The following LNX1 variants were observed in gnomAD, a reference collection of about 807,000 sequenced individuals.
LNX1 encodes the protein ligand of numb-protein X 1.
In LNX1, 54 loss-of-function variants were observed where a neutral mutation model predicts 68.4. The observed-to-expected ratio is 0.79, with a 90% CI of 0.63 to 0.99. LNX1 has a LOEUF of 0.99. Ranked by LOEUF, LNX1 falls within the 50% of genes least tolerant of loss-of-function variation. The probability of loss-of-function intolerance (pLI) is 0.00; values close to 1 mark genes in which losing one functional copy is unlikely to be tolerated. For missense variants in LNX1, 906 were observed against 926.4 expected, an observed-to-expected ratio of 0.98 and a Z score of 0.29; for synonymous variants, 336 against 350.0, an observed-to-expected ratio of 0.96 and a Z score of 0.45.
chr4:53,461,663 C>A, intron 9 of LNX1, 70 bp from the exon 10 acceptor site: 1 of 1,218,932 alleles, frequency 8.2e-7, no homozygotes, highest in South Asian at 1.6e-5. Context: ...TACTGTGACT[C>A]ATCCTCCATT....
Position 53,588,246 on chromosome 4 carries a change from C to T in LNX1, c.-87+3142G>A, listed in dbSNP as rs1223863597. Among the ~76,000 whole-genome samples the T allele has an allele frequency of 5.3e-5, 8 of 152,164 alleles. No individual in the cohort carries two copies. The South Asian group carries it at 1.0e-3, about 20-fold the overall frequency. ...TTAAGGAACTTATTTAGGCTAGCAACTACATGGTAGAACTGGGTCTGATAC... is the reference window on the plus strand; with the variant it reads ...TTAAGGAACTTATTTAGGCTAGCAATTACATGGTAGAACTGGGTCTGATAC... On this transcript the variant is annotated intron_variant, in intron 1 of 10. Coordinates refer to ENST00000263925, the MANE Select transcript of LNX1 (RefSeq NM_001126328.3).
intron 1 of LNX1, among the ~76,000 whole-genome samples, chr4:53,643,679 A>G (rs1386253038): frequency 6.6e-6 from 1 of 152,014 alleles, no homozygotes; most frequent in Non-Finnish European, 1.5e-5. Flanking sequence ...AGAGCTTTGG[A>G]GTGTAACAGA....
intron 2 of LNX1, among the ~76,000 whole-genome samples, chr4:53,570,035 G>A (rs183988097): frequency 6.6e-6 from 1 of 152,264 alleles, no homozygotes; most frequent in Admixed American, 6.5e-5. Flanking sequence ...AGAGGATGTG[G>A]AGAAATACGA....
At chr4:53,620,080 CTG>C (rs1245917451), upstream of LNX1, among the ~76,000 whole-genome samples, 1 of 152,140 alleles carries the variant, frequency 6.6e-6, no homozygotes, top group Non-Finnish European at 1.5e-5. Context: ...TGTTAAACAA[CTG>C]TTTTATCCTG....
chr4:53,494,895 C>T (rs1276483348), intron 6 of LNX1, among the ~76,000 whole-genome samples: 4 of 152,192 alleles, frequency 2.6e-5, no homozygotes, highest in Non-Finnish European at 5.9e-5. Flanking sequence ...TGAAAAAAGC[C>T]AGTCCCCCAA....
At chr4:53,504,002 G>A (rs984413875) in intron 4 of LNX1, among the ~76,000 whole-genome samples, 1 of 152,144 alleles carries the variant, frequency 6.6e-6, no homozygotes, top group Non-Finnish European at 1.5e-5. Context: ...AGGCATAGTG[G>A]TGCACGCCTG....
At chr4:53,560,076 G>T (rs1730178834) in intron 2 of LNX1, among the ~76,000 whole-genome samples, 1 of 152,120 alleles carries the variant, frequency 6.6e-6, no homozygotes, top group Admixed American at 6.6e-5. Context: ...TATACTATTA[G>T]AGAAGTGACA....
In LNX1 at chr4:53,548,119, T is replaced by C. The variant is rs77015893; in HGVS notation, c.380+25504A>G. On this transcript the variant is annotated intron_variant, in intron 2 of 10. Coordinates refer to ENST00000263925, the MANE Select transcript of LNX1 (RefSeq NM_001126328.3). ...CATGAGCACACAGAAGGAGTGATGG[T>C]TGAAAAAAAAAAAAAGTCGGGGGAA... Among the ~76,000 whole-genome samples, 56 of 102,586 alleles carry C rather than the reference T, an allele frequency of 5.5e-4. 1 individual carries two copies. The East Asian group carries it at 0.013, about 25-fold the overall frequency. The allele number at this position is 102,586 out of a possible 152,430, so 67.3% of individuals were successfully genotyped here. A position where few individuals can be genotyped will look rare whatever the true frequency, so the allele number is the denominator to read the frequency against.
chr4:53,620,197 C>G (rs180951113), upstream of LNX1, among the ~76,000 whole-genome samples: 1 of 152,308 alleles, frequency 6.6e-6, no homozygotes, highest in East Asian at 1.9e-4. Flanking sequence ...ATTTATCTAT[C>G]TACCTATCTA....
At chr4:53,542,371 G>T (rs768033811) in intron 2 of LNX1, among the ~76,000 whole-genome samples, 14 of 152,188 alleles carry the variant, frequency 9.2e-5, no homozygotes, top group African/African-American at 2.7e-4. Flanking sequence ...AGCTGAATGC[G>T]CAGTGTCTTG....
Position 53,540,243 on chromosome 4 carries a change from C to G in LNX1, c.381-32016G>C, listed in dbSNP as rs1415592756. On this transcript the variant is annotated intron_variant, in intron 2 of 10. Transcript: ENST00000263925. ...AAAAAAAATACAAAAATTAGCCAGG[C>G]ATGGGGGCGTGCACCTGTAGTCCCA... Among the ~76,000 whole-genome samples the G allele has an allele frequency of 3.3e-5, 5 of 152,186 alleles. No individual in the cohort carries two copies. The South Asian group carries it at 1.0e-3, about 32-fold the overall frequency.
intron 9 of LNX1, among the ~76,000 whole-genome samples, chr4:53,464,683 G>T (rs771879700): frequency 6.6e-6 from 1 of 152,086 alleles, no homozygotes; most frequent in Non-Finnish European, 1.5e-5. Flanking sequence ...ACTGCTACTT[G>T]CAGAGGATAA....
chr4:53,574,228 G>A (rs1688655692), intron 1 of LNX1, 140 bp from the exon 2 acceptor site: 3 of 657,216 alleles, frequency 4.6e-6, no homozygotes, highest in South Asian at 4.8e-5. Flanking sequence ...CCACTCTGGA[G>A]TGACTGACAG....
intron 2 of LNX1, chr4:53,558,025 C>T: frequency 6.2e-7 from 1 of 1,606,178 alleles, no homozygotes; most frequent in South Asian, 1.1e-5. Flanking sequence ...AGGGCCCAAA[C>T]CAGCCAAGCT....
chr4:53,461,803 A>G (rs1478512936), intron 9 of LNX1, among the ~76,000 whole-genome samples: 2 of 152,084 alleles, frequency 1.3e-5, no homozygotes, highest in Non-Finnish European at 1.5e-5. Context: ...AATTTTGAAT[A>G]TCCTTAAAAA....
At chr4:53,501,625 C>T (rs1560630763) in intron 4 of LNX1, among the ~76,000 whole-genome samples, 1 of 152,128 alleles carries the variant, frequency 6.6e-6, no homozygotes, top group Non-Finnish European at 1.5e-5. Flanking sequence ...AAGCTTAGAG[C>T]ATTAAGCAAC....
chr4:53,486,417 C>A (rs1293827471), intron 6 of LNX1, among the ~76,000 whole-genome samples: 2 of 152,268 alleles, frequency 1.3e-5, no homozygotes, highest in East Asian at 3.9e-4. Flanking sequence ...CAAGAGGAAG[C>A]GGTTCTGATG....
intron 1 of LNX1, among the ~76,000 whole-genome samples, chr4:53,632,737 T>C (rs1463927597): frequency 6.6e-6 from 1 of 152,170 alleles, no homozygotes; most frequent in Non-Finnish European, 1.5e-5. Context: ...GATTTGGAAT[T>C]ATATTGGGAT....
chr4:53,622,468 C>A (rs535216823), upstream of LNX1, among the ~76,000 whole-genome samples: 3 of 152,022 alleles, frequency 2.0e-5, no homozygotes, highest in Admixed American at 6.6e-5. Flanking sequence ...ATTGGCGTGG[C>A]GAGACCACAG....
Sources: allele counts gnomAD v4.1 joint callset (sites outside exome capture counted in the v4.1 genomes callset), GRCh38; gene constraint gnomAD v4.1.1; transcripts MANE v1.5; gene names NCBI Gene and HGNC (gene_info 2026-07-23, HGNC 2026-07-21).